The following WDR7 variants were observed in gnomAD, a reference collection of about 807,000 sequenced individuals.
WDR7 encodes the protein WD repeat domain 7.
In WDR7, 46 loss-of-function variants were observed where a neutral mutation model predicts 169.4. The ratio of observed to expected loss-of-function variants is 0.27; its 90% CI spans 0.21 to 0.35. WDR7 has a LOEUF of 0.35. Ranked by LOEUF, WDR7 falls within the 10% of genes least tolerant of loss-of-function variation. The pLI is 1.00. For missense variants in WDR7, 1,534 were observed against 1,859.3 expected (o/e 0.83, Z 3.22); for synonymous variants, 612 against 666.8 (o/e 0.92, Z 1.27).
chr18:56,891,687 A>G (rs2046265911), intron 21 of WDR7, among the ~76,000 whole-genome samples: 2 of 152,108 alleles, frequency 1.3e-5, no homozygotes, highest in Admixed American at 1.3e-4. Flanking sequence ...CTGAATCCAG[A>G]TGCATTTTTC....
intron 21 of WDR7, among the ~76,000 whole-genome samples, chr18:56,916,222 C>T (rs1024019047): frequency 1.3e-5 from 2 of 152,064 alleles, no homozygotes; most frequent in Non-Finnish European, 2.9e-5. Context: ...TACCCATTAA[C>T]TCGTCATTTA....
At chr18:56,680,219 A>G (rs545847440) in intron 3 of WDR7, among the ~76,000 whole-genome samples, 7 of 152,250 alleles carry the variant, frequency 4.6e-5, no homozygotes, top group African/African-American at 1.7e-4. Context: ...CTAGCCGGGC[A>G]TGATGGCGTG....
intron 19 of WDR7, among the ~76,000 whole-genome samples, chr18:56,799,716 A>G (rs1438565879): frequency 6.6e-6 from 1 of 152,226 alleles, no homozygotes; most frequent in Non-Finnish European, 1.5e-5. Flanking sequence ...TGGTGACAGA[A>G]TTAAACACAT....
intron 19 of WDR7, among the ~76,000 whole-genome samples, chr18:56,794,586 G>A (rs2044551321): frequency 6.6e-6 from 1 of 151,962 alleles, no homozygotes; most frequent in East Asian, 1.9e-4. Context: ...TGGGATTACA[G>A]GCGTGAGCCA....
chr18:56,749,772 T>C (rs1288203341), intron 14 of WDR7, among the ~76,000 whole-genome samples: 1 of 152,024 alleles, frequency 6.6e-6, no homozygotes, highest in Admixed American at 6.5e-5. Flanking sequence ...GCCATTGTTT[T>C]ACGTTTCTCT....
chr18:56,893,406 C>G (rs1022816898), intron 21 of WDR7, among the ~76,000 whole-genome samples: 5 of 152,048 alleles, frequency 3.3e-5, no homozygotes, highest in African/African-American at 1.2e-4. Flanking sequence ...GTTAATCCCT[C>G]TAAGAACTGC....
chr18:56,853,841 T>C (rs78021386), intron 20 of WDR7, among the ~76,000 whole-genome samples: 1 of 152,236 alleles, frequency 6.6e-6, no homozygotes, highest in East Asian at 1.9e-4. Context: ...CTTAACATTG[T>C]ATTACAAAGA....
intron 20 of WDR7, among the ~76,000 whole-genome samples, chr18:56,877,874 A>G (rs1417284760): frequency 6.6e-6 from 1 of 152,196 alleles, no homozygotes; most frequent in Non-Finnish European, 1.5e-5. Flanking sequence ...GGGCTTTGAT[A>G]ATACCCAGAT....
intron 12 of WDR7, among the ~76,000 whole-genome samples, chr18:56,715,032 G>A (rs2026162487): frequency 6.6e-6 from 1 of 152,070 alleles, no homozygotes; most frequent in South Asian, 2.1e-4. Flanking sequence ...GATAGATTAC[G>A]TTTTCTTAAA....
At chr18:56,706,814 A>AG (rs1479224252) in intron 12 of WDR7, among the ~76,000 whole-genome samples, 1 of 150,036 alleles carries the variant, frequency 6.7e-6, no homozygotes, top group African/African-American at 2.5e-5. Flanking sequence ...CAGCCTCCCG[A>AG]GTAGCTGGGA....
chr18:56,704,276 C>T (rs1213923445), intron 12 of WDR7, among the ~76,000 whole-genome samples: 1 of 152,028 alleles, frequency 6.6e-6, no homozygotes, highest in Non-Finnish European at 1.5e-5. Flanking sequence ...GTGGCTTACA[C>T]CTGTAATTTC....
intron 25 of WDR7, among the ~76,000 whole-genome samples, chr18:56,941,029 G>A (rs542540483): frequency 3.7e-4 from 56 of 152,286 alleles, no homozygotes; most frequent in Admixed American, 1.1e-3. Flanking sequence ...TGATTTGGCG[G>A]AAAGGAGTTC....
chr18:56,998,692 AAAGC>A (rs1331230375), intron 26 of WDR7, among the ~76,000 whole-genome samples: 1 of 152,224 alleles, frequency 6.6e-6, no homozygotes, highest in Non-Finnish European at 1.5e-5. Context: ...TCATTATACA[AAAGC>A]AAGTCACTAA....
chr18:56,755,037 G>C (rs1252513112), intron 14 of WDR7, among the ~76,000 whole-genome samples: 1 of 151,354 alleles, frequency 6.6e-6, no homozygotes, highest in Non-Finnish European at 1.5e-5. Context: ...ATTTGAGCAG[G>C]TTTTCCCTAT....
intron 1 of WDR7, among the ~76,000 whole-genome samples, chr18:56,658,620 CTCT>C (rs1450956046): frequency 3.3e-5 from 5 of 152,224 alleles, no homozygotes; most frequent in African/African-American, 9.6e-5. Flanking sequence ...TCCTTAAAGG[CTCT>C]TCTTTTTTCT....
intron 19 of WDR7, among the ~76,000 whole-genome samples, chr18:56,785,268 G>A (rs557152335): frequency 5.9e-5 from 9 of 152,272 alleles, no homozygotes; most frequent in African/African-American, 2.2e-4. Flanking sequence ...CTCTACCATT[G>A]TCATTAATGT....
chr18:56,949,892 A>G (rs1194885719), intron 25 of WDR7, among the ~76,000 whole-genome samples: 10 of 152,210 alleles, frequency 6.6e-5, no homozygotes, highest in Non-Finnish European at 2.9e-5. Flanking sequence ...TGATCTCCTC[A>G]AAAAAGTTAG....
At chr18:57,001,303 A>T (rs1448762143) in intron 26 of WDR7, among the ~76,000 whole-genome samples, 1 of 152,180 alleles carries the variant, frequency 6.6e-6, no homozygotes, top group Admixed American at 6.5e-5. Context: ...CAGGAAAGGC[A>T]TCCTTACCGA....
At chr18:56,911,806 G>T (rs894112098) in intron 21 of WDR7, among the ~76,000 whole-genome samples, 2 of 152,204 alleles carry the variant, frequency 1.3e-5, no homozygotes, top group Non-Finnish European at 2.9e-5. Flanking sequence ...TTATTTAAAA[G>T]AAGAGACAAT....
Sources: gnomAD v4.1 joint callset for allele counts (sites outside exome capture counted in the v4.1 genomes callset) on GRCh38, gnomAD v4.1.1 for gene constraint, MANE v1.5 for transcripts, NCBI Gene and HGNC (gene_info 2026-07-23, HGNC 2026-07-21) for gene names.